Variants in EDA observed in about 807,000 individuals in gnomAD.
EDA encodes ectodysplasin A.
Under a neutral mutation model 23.6 loss-of-function variants are expected in EDA, and 2 were observed. That is an observed-to-expected ratio of 0.08 (90% CI 0.03 to 0.27). The LOEUF is 0.27. Ranked by LOEUF, EDA falls within the 10% of genes least tolerant of loss-of-function variation. EDA has a pLI of 1.00. For synonymous variants in EDA, 131 were observed against 132.0 expected (o/e 0.99, Z 0.05); for missense variants, 229 against 324.2 (o/e 0.71, Z 2.26).
intron 1 of EDA, among the ~76,000 whole-genome samples, chrX:69,735,249 T>C (rs2013210742): frequency 9.2e-6 from 1 of 108,975 alleles, no homozygotes; most frequent in Non-Finnish European, 1.9e-5. Flanking sequence ...TGTATGTGTA[T>C]ATACACATAC....
chrX:69,956,988 G>C lies in EDA; in HGVS notation c.397-39G>C, dbSNP rs1387815375. On this transcript the variant is annotated intron_variant, in intron 1 of 7. Transcript: ENST00000374552. ...TTTTTTATGTTGGCTATGACTGAGTGGGGTCAACCTTTGACTAATGTACTT... is the reference window on the plus strand; with the variant it reads ...TTTTTTATGTTGGCTATGACTGAGTCGGGTCAACCTTTGACTAATGTACTT... 2.6e-6 allele frequency: 3 copies of C among 1,143,072 alleles called. No individual in the cohort carries two copies. In the Admixed American group the frequency reaches 6.5e-5, roughly 25 times the overall value. The allele number at this position is 1,143,072 out of a possible 1,213,427, so 94.2% of individuals were successfully genotyped here.
At position 69,888,978 on chromosome X, in the gene EDA, TTATATATATATATATATATATATATA is replaced by T. The variant is rs935436674; in HGVS notation, c.397-68031_397-68006del. 1.4e-3 allele frequency among the ~76,000 whole-genome samples: 23 copies of T among 16,013 alleles called. 1 individual carries two copies. Among genetic ancestry groups the T allele is most frequent in the East Asian group, 9.8e-3 (3 of 307 alleles). The allele number at this position is 16,013 out of a possible 115,157, so 13.9% of individuals were successfully genotyped here. On this transcript the variant is annotated intron_variant, in intron 1 of 7. Coordinates refer to ENST00000374552, the MANE Select transcript of EDA (RefSeq NM_001399.5). ...GTGGAATTGTTGTATTGTGGGGTAG[TTATATATATATATATATATATATATA>T]TATATATATATATATATTATGTTTT...
intron 2 of EDA, among the ~76,000 whole-genome samples, chrX:69,980,193 A>T (rs367634205): frequency 9.0e-6 from 1 of 111,434 alleles, no homozygotes; most frequent in East Asian, 2.8e-4. Flanking sequence ...GTATGGTCTA[A>T]TCTGGGTGAC....
intron 1 of EDA, among the ~76,000 whole-genome samples, chrX:69,667,264 C>T (rs1055522854): frequency 1.8e-5 from 2 of 108,422 alleles, no homozygotes; most frequent in Non-Finnish European, 3.8e-5. Context: ...AGGCGCCCAC[C>T]ACCACGCCCA....
chrX:69,854,030 G>T (rs2017191657), intron 1 of EDA, among the ~76,000 whole-genome samples: 1 of 111,430 alleles, frequency 9.0e-6, no homozygotes, highest in Non-Finnish European at 1.9e-5. Context: ...ATGGTCAGGG[G>T]TACATGTGCA....
chrX:69,744,160 A>T (rs1042173684), intron 1 of EDA, among the ~76,000 whole-genome samples: 4 of 111,913 alleles, frequency 3.6e-5, no homozygotes, highest in Non-Finnish European at 7.5e-5. Context: ...TCAAGGTGAT[A>T]TGATAGCACT....
chrX:69,732,408 T>C (rs2147359449), intron 1 of EDA, among the ~76,000 whole-genome samples: 1 of 112,158 alleles, frequency 8.9e-6, no homozygotes, highest in East Asian at 2.8e-4. Context: ...GCTTCATCCA[T>C]GTCCCTACAA....
At chrX:70,028,177 T>A (rs985587786) in intron 4 of EDA, 141 bp downstream of exon 4, 2 of 1,040,898 alleles carry the variant, frequency 1.9e-6, no homozygotes. Context: ...TAGCCCAGTG[T>A]AAAACTAGGA....
intron 1 of EDA, among the ~76,000 whole-genome samples, chrX:69,892,360 T>A (rs2017947006): frequency 8.9e-6 from 1 of 111,892 alleles, no homozygotes. Flanking sequence ...AAAATGCTTC[T>A]TGAGGTGTAT....
intron 1 of EDA, among the ~76,000 whole-genome samples, chrX:69,745,863 C>T (rs2013602286): frequency 9.0e-6 from 1 of 111,087 alleles, no homozygotes; most frequent in Non-Finnish European, 1.9e-5. Flanking sequence ...TAGTGGGCAC[C>T]TGTAATCCCA....
chrX:69,971,972 A>G (rs980537529), intron 2 of EDA, among the ~76,000 whole-genome samples: 1 of 111,337 alleles, frequency 9.0e-6, no homozygotes, highest in Non-Finnish European at 1.9e-5. Flanking sequence ...TGAGTTATAT[A>G]TATAAAATGG....
chrX:69,978,903 A>G (rs915552780), intron 2 of EDA, among the ~76,000 whole-genome samples: 1 of 111,875 alleles, frequency 8.9e-6, no homozygotes, highest in African/African-American at 3.3e-5. Context: ...ATGGTAAAAT[A>G]TACATAACAA....
chrX:69,722,453 G>A (rs758795714), intron 1 of EDA, among the ~76,000 whole-genome samples: 11 of 111,130 alleles, frequency 9.9e-5, no homozygotes, highest in East Asian at 5.7e-4. Context: ...TGATCTGCCC[G>A]CCTCAGCCTC....
At chrX:69,967,490 T>C (rs2019191049) in intron 2 of EDA, among the ~76,000 whole-genome samples, 1 of 111,714 alleles carries the variant, frequency 9.0e-6, no homozygotes, top group Admixed American at 9.5e-5. Flanking sequence ...GAGAAACCTG[T>C]AAGCAGTCCA....
chrX:69,939,799 A>G (rs1013065860), intron 1 of EDA, among the ~76,000 whole-genome samples: 48 of 111,901 alleles, frequency 4.3e-4, no homozygotes, highest in African/African-American at 1.5e-3. Context: ...TCATGAACAG[A>G]TGTTGAATTT....
intron 1 of EDA, among the ~76,000 whole-genome samples, chrX:69,908,488 T>TAA (rs2018211233): frequency 9.2e-6 from 1 of 109,209 alleles, no homozygotes. Flanking sequence ...TATATATATA[T>TAA]AATTATTGGA....
intron 1 of EDA, among the ~76,000 whole-genome samples, chrX:69,662,247 A>G (rs1052711099): frequency 4.5e-5 from 5 of 111,768 alleles, no homozygotes; most frequent in African/African-American, 1.6e-4. Flanking sequence ...GTCCCCACCC[A>G]AATCTCATCT....
At chrX:69,817,845 C>T (rs2016116675) in intron 1 of EDA, among the ~76,000 whole-genome samples, 1 of 111,351 alleles carries the variant, frequency 9.0e-6, no homozygotes, top group African/African-American at 3.3e-5. Flanking sequence ...ATATTCAGGA[C>T]CTGAAAGTCA....
At chrX:69,721,924 A>G (rs2012596802) in intron 1 of EDA, among the ~76,000 whole-genome samples, 1 of 111,618 alleles carries the variant, frequency 9.0e-6, no homozygotes, top group Non-Finnish European at 1.9e-5. Context: ...TATAAAACCT[A>G]TCTAGAATTG....
Sources: gnomAD v4.1 joint callset for allele counts (sites outside exome capture counted in the v4.1 genomes callset) on GRCh38, gnomAD v4.1.1 for gene constraint, MANE v1.5 for transcripts, NCBI Gene and HGNC (gene_info 2026-07-23, HGNC 2026-07-21) for gene names.